The following NRCAM variants were observed in gnomAD, a reference collection of about 807,000 sequenced individuals.
NRCAM encodes neuronal cell adhesion molecule.
A neutral mutation model predicts 156.5 loss-of-function variants in NRCAM; 83 were observed. The observed-to-expected ratio is 0.53, with a 90% CI of 0.44 to 0.64. The LOEUF is 0.64. NRCAM is among the 30% of genes least tolerant of loss of function. NRCAM has a pLI of 0.00. For missense variants in NRCAM, 1,417 were observed against 1,597.3 expected, an observed-to-expected ratio of 0.89 and a Z score of 1.92; for synonymous variants, 538 against 563.9, an observed-to-expected ratio of 0.95 and a Z score of 0.65.
intron 2 of NRCAM, among the ~76,000 whole-genome samples, chr7:108,336,178 T>C (rs2099187682): frequency 6.6e-6 from 1 of 152,182 alleles, no homozygotes; most frequent in Non-Finnish European, 1.5e-5. Context: ...TCCAACTCAT[T>C]TACATAACTG....
chr7:108,351,596 A>C (rs1370894430), intron 2 of NRCAM, among the ~76,000 whole-genome samples: 3 of 152,226 alleles, frequency 2.0e-5, no homozygotes, highest in Non-Finnish European at 4.4e-5. Flanking sequence ...CTAAAATGTC[A>C]TATTTATTTC....
chr7:108,414,953 A>C (rs957570968), intron 1 of NRCAM, among the ~76,000 whole-genome samples: 1 of 152,162 alleles, frequency 6.6e-6, no homozygotes, highest in Non-Finnish European at 1.5e-5. Flanking sequence ...GGGTGAGTCC[A>C]GGGTTCATAG....
At chr7:108,203,932 T>C (rs2153543595) in intron 13 of NRCAM, among the ~76,000 whole-genome samples, 1 of 152,278 alleles carries the variant, frequency 6.6e-6, no homozygotes, top group African/African-American at 2.4e-5. Context: ...GGAGTCTTCA[T>C]TGTGCTAATT....
At chr7:108,383,916 A>G (rs944098525) in intron 2 of NRCAM, among the ~76,000 whole-genome samples, 7 of 152,114 alleles carry the variant, frequency 4.6e-5, no homozygotes, top group Admixed American at 1.3e-4. Flanking sequence ...TACCATTAAG[A>G]CTCAGGGCTT....
intron 12 of NRCAM, 64 bp downstream of exon 12, chr7:108,209,357 C>A: frequency 8.9e-7 from 1 of 1,129,928 alleles, no homozygotes; most frequent in East Asian, 2.7e-5. Context: ...TAATGAAAAC[C>A]ACATTTAATT....
At position 108,421,999 on chromosome 7, in the gene NRCAM, G is replaced by A. The variant is rs1394699122; in HGVS notation, c.-331-22406C>T. The stretch of plus-strand genomic sequence containing the variant: ...ATGGCATGCCACATACAGTGGAACA[G>A]TAGTCAAAATAGTCAAAACAGGTCT... On this transcript the variant is annotated intron_variant, in intron 1 of 32. Transcript: ENST00000379028. Among the ~76,000 whole-genome samples the A allele has an allele frequency of 2.0e-5, 3 of 152,196 alleles. No individual in the cohort carries two copies. In the East Asian group the frequency reaches 5.8e-4, roughly 29 times the overall value.
At position 108,272,399 on chromosome 7, in the gene NRCAM, G is replaced by T. The variant is rs79833720; in HGVS notation, c.-106-32229C>A. 2.3e-3 allele frequency among the ~76,000 whole-genome samples: 344 copies of T among 152,268 alleles called. 2 individuals are homozygous for T. The highest frequency in any genetic ancestry group is 8.0e-3 in the African/African-American group (332 of 41,540). ...GAACACACACACTCCTAAAGTAGGG[G>T]TTAGTGCAGGCTCACCATCATTTAT... is the stretch of plus-strand genomic sequence containing the variant. On this transcript the variant is annotated intron_variant, in intron 3 of 32. Transcript: ENST00000379028.
intron 11 of NRCAM, among the ~76,000 whole-genome samples, chr7:108,215,568 C>T (rs1427494220): frequency 6.6e-6 from 1 of 152,032 alleles, no homozygotes; most frequent in African/African-American, 2.4e-5. Flanking sequence ...TCTCTAAGAA[C>T]TTGCTTTATG....
rs766887440 is a variant in NRCAM at position 108,160,482 on chromosome 7, G to C, written c.3477C>G (p.Ser1159Arg). The change falls in exon 31 of 33, where the codon AGC becomes AGG. Residue 1159 changes from serine to arginine, a missense_variant. By Grantham distance (110) the Ser-to-Arg change is moderately radical. Coordinates refer to ENST00000379028, the MANE Select transcript of NRCAM (RefSeq NM_001037132.4). ...CCTGAGTTGCAATATCCACCTGCCG[G>C]CTTGCCATCGCTGGAAAACAAATCA... ...DVFETGPAMA[S>R]RQVDIATQGW... 3 of 1,612,700 alleles carry C rather than the reference G, an allele frequency of 1.9e-6. No individual in the cohort carries two copies. The South Asian group carries it at 3.3e-5, about 18-fold the overall frequency.
intron 1 of NRCAM, among the ~76,000 whole-genome samples, chr7:108,406,088 C>T (rs556322941): frequency 6.6e-6 from 1 of 151,840 alleles, no homozygotes; most frequent in Non-Finnish European, 1.5e-5. Context: ...CCTGGCCTAG[C>T]ACAGGGGTAA....
At chr7:108,313,419 G>A (rs2098831296) in intron 2 of NRCAM, 1 of 152,172 alleles carries the variant, frequency 6.6e-6, no homozygotes, top group Non-Finnish European at 1.5e-5. Context: ...TCTAAGGGAG[G>A]ATTTGTGTCT....
In NRCAM at chr7:108,182,936, A is replaced by G. The variant is rs1191405472; in HGVS notation, c.2305-16T>C. Reference sequence around the variant, plus strand: ...CATTCAAGGGCTACAAGGAAAGCCAAATAACCAGAGCTTATAACACAAATC... The same window carrying G: ...CATTCAAGGGCTACAAGGAAAGCCAGATAACCAGAGCTTATAACACAAATC... On this transcript the variant is annotated splice_polypyrimidine_tract_variant and intron_variant, in intron 22 of 32. Coordinates refer to ENST00000379028, the MANE Select transcript of NRCAM (RefSeq NM_001037132.4). 6.2e-7 allele frequency: 1 copy of G among 1,603,628 alleles called. No individual in the cohort carries two copies. The highest frequency in any genetic ancestry group is 2.2e-5 in the East Asian group (1 of 44,864).
At position 108,234,936 on chromosome 7, in the gene NRCAM, AG is replaced by A. The variant is rs1236627752; in HGVS notation, c.125-249del. ...GCAAAGTCCATTTTCTCACACTAAA[AG>A]TTTGGGGAAATAATTATCAATACAA... On this transcript the variant is annotated intron_variant, in intron 5 of 32. Coordinates refer to ENST00000379028, the MANE Select transcript of NRCAM (RefSeq NM_001037132.4). 7.4e-5 allele frequency: 46 copies of A among 620,170 alleles called. 1 individual carries two copies. The highest frequency in any genetic ancestry group is 6.4e-4 in the South Asian group (41 of 63,602). 38.4% of individuals were successfully genotyped at this position (620,170 alleles called of 1,614,324 possible). A position where few individuals can be genotyped will look rare whatever the true frequency, so the allele number is the denominator to read the frequency against.
chr7:108,265,101 G>A (rs575245328), intron 3 of NRCAM, among the ~76,000 whole-genome samples: 174 of 152,270 alleles, frequency 1.1e-3, no homozygotes, highest in Non-Finnish European at 1.7e-3. Flanking sequence ...CTGAGTGTGC[G>A]GGAGCCGTGG....
At chr7:108,235,085 G>A (rs2094790522) in intron 5 of NRCAM, among the ~76,000 whole-genome samples, 2 of 152,172 alleles carry the variant, frequency 1.3e-5, no homozygotes, top group Non-Finnish European at 2.9e-5. Flanking sequence ...TCTTAAGAAA[G>A]AGTAACAGAC....
At chr7:108,210,253 G>GTTT (rs199832849) in intron 11 of NRCAM, among the ~76,000 whole-genome samples, 1 of 85,076 alleles carries the variant, frequency 1.2e-5, no homozygotes, top group Non-Finnish European at 2.9e-5. Flanking sequence ...GTTTTGTTTT[G>GTTT]TTTTTTTTTT....
rs58111040 is a variant in NRCAM, at chr7:108,155,101, T to TACACAC, written c.3677+4356_3677+4361dup. 1.8e-3 allele frequency among the ~76,000 whole-genome samples: 218 copies of TACACAC among 123,104 alleles called. 1 individual carries two copies. Among genetic ancestry groups the TACACAC allele is most frequent in the Middle Eastern group, 4.3e-3 (1 of 230 alleles). The allele number at this position is 123,104 out of a possible 152,430, so 80.8% of individuals were successfully genotyped here. On this transcript the variant is annotated intron_variant, in intron 32 of 32. Transcript: ENST00000379028. ...GATTTAAAAGTCATATATATATATA[T>TACACAC]ACACACACACACACACACACACACA...
chr7:108,326,483 C>G (rs979255567), intron 2 of NRCAM, among the ~76,000 whole-genome samples: 2 of 152,114 alleles, frequency 1.3e-5, no homozygotes, highest in African/African-American at 4.8e-5. Context: ...TATAGTATCT[C>G]TAGCAAGATT....
chr7:108,351,592 T>C (rs911909651), intron 2 of NRCAM, among the ~76,000 whole-genome samples: 12 of 152,302 alleles, frequency 7.9e-5, no homozygotes, highest in African/African-American at 2.6e-4. Flanking sequence ...GAACCTAAAA[T>C]GTCATATTTA....
Sources: gnomAD v4.1 joint callset for allele counts (sites outside exome capture counted in the v4.1 genomes callset) on GRCh38, gnomAD v4.1.1 for gene constraint, MANE v1.5 for transcripts, NCBI Gene and HGNC (gene_info 2026-07-23, HGNC 2026-07-21) for gene names.